TBX15: variants seen among roughly 807,000 people sequenced by gnomAD.
The protein encoded by TBX15 is T-box transcription factor TBX15.
TBX15 carries 18 observed loss-of-function variants against 53.9 expected under a neutral mutation model. The observed-to-expected ratio is 0.33, with a 90% CI of 0.23 to 0.49. The LOEUF (loss-of-function observed/expected upper bound fraction) is 0.49. TBX15 is among the 20% of genes least tolerant of loss of function. The pLI is 0.98. For synonymous variants in TBX15, 295 were observed against 278.0 expected (o/e 1.06, Z -0.61); for missense variants, 692 against 749.5 (o/e 0.92, Z 0.90).
Position 118,884,496 on chromosome 1 carries a change from A to G in TBX15, c.*236T>C. 1.8e-6 allele frequency: 1 copy of G among 569,918 alleles called. No individual in the cohort carries two copies. The highest frequency in any genetic ancestry group is 2.1e-5 in the South Asian group (1 of 47,916). 35.3% of individuals were successfully genotyped at this position (569,918 alleles called of 1,614,324 possible). A position where few individuals can be genotyped will look rare whatever the true frequency, so the allele number is the denominator to read the frequency against. On this transcript the variant is annotated 3_prime_UTR_variant, in exon 8 of 8. Transcript: ENST00000369429. ...GGAACAGACAATGCTTTATAAAACT[A>G]AGGTCTGGGAAGGCAGAAGAATGGC...
At chr1:118,913,694 T>G (rs568696959) in intron 6 of TBX15, among the ~76,000 whole-genome samples, 4 of 152,316 alleles carry the variant, frequency 2.6e-5, no homozygotes, top group African/African-American at 9.6e-5. Flanking sequence ...TTTTTCACAC[T>G]GTTTTAGCTC....
chr1:118,981,082 C>T (rs754990928), intron 1 of TBX15, among the ~76,000 whole-genome samples: 8 of 152,140 alleles, frequency 5.3e-5, no homozygotes, highest in Non-Finnish European at 1.2e-4. Flanking sequence ...CCCCGCCCCC[C>T]GCCTCGGCCT....
chr1:118,901,515 A>C (rs1654629343), intron 6 of TBX15: 4 of 433,170 alleles, frequency 9.2e-6, no homozygotes, highest in Non-Finnish European at 1.8e-5. Flanking sequence ...GACTGTGACA[A>C]AAGTGTTAAT....
rs1312053058 is a variant in TBX15 at position 118,884,276 on chromosome 1, C to A, written c.*456G>T. The A allele has an allele frequency of 1.1e-5, 2 of 179,814 alleles. No homozygotes were observed. Among genetic ancestry groups the A allele is most frequent in the Non-Finnish European group, 2.4e-5 (2 of 84,150 alleles). 11.1% of individuals were successfully genotyped at this position (179,814 alleles called of 1,614,324 possible). Reference sequence around the variant, plus strand: ...TGGGCCTCCCTCCACAGAGTTCACCCAGTTCAGAGTCAGTGTGCATGTATG... The same window carrying A: ...TGGGCCTCCCTCCACAGAGTTCACCAAGTTCAGAGTCAGTGTGCATGTATG... On this transcript the variant is annotated 3_prime_UTR_variant, in exon 8 of 8. Transcript: ENST00000369429.
chr1:118,883,514 C>CA lies in TBX15; in HGVS notation c.*1217dup, dbSNP rs1263852828. On this transcript the variant is annotated 3_prime_UTR_variant, in exon 8 of 8. Transcript: ENST00000369429. ...TATTTCCTGCCACAGGGATAGCGGG[C>CA]AGGCATTCTAGGTCAGGTGTCTGGA... 6.6e-6 allele frequency: 1 copy of CA among 152,250 alleles called. No individual in the cohort carries two copies. Among genetic ancestry groups the CA allele is most frequent in the African/African-American group, 2.4e-5 (1 of 41,460 alleles). The allele number at this position is 152,250 out of a possible 1,614,324, so 9.4% of individuals were successfully genotyped here.
At chr1:118,939,640 C>T (rs1656100680) in intron 1 of TBX15, among the ~76,000 whole-genome samples, 1 of 149,610 alleles carries the variant, frequency 6.7e-6, no homozygotes, top group Non-Finnish European at 1.5e-5. Context: ...ACCTCAGCAT[C>T]ACGCAATATT....
At chr1:118,969,584 G>A (rs1657165781) in intron 1 of TBX15, among the ~76,000 whole-genome samples, 1 of 152,104 alleles carries the variant, frequency 6.6e-6, no homozygotes, top group African/African-American at 2.4e-5. Flanking sequence ...TGAGTCCTGG[G>A]TCAGACTCCC....
intron 6 of TBX15, among the ~76,000 whole-genome samples, chr1:118,899,554 C>T (rs927665704): frequency 6.6e-6 from 1 of 152,090 alleles, no homozygotes; most frequent in African/African-American, 2.4e-5. Context: ...CAACTCCTCA[C>T]CTTGGGTATG....
Position 118,931,928 on chromosome 1 carries a change from G to C in TBX15, c.206-96C>G. On this transcript the variant is annotated intron_variant, in intron 1 of 7. Coordinates refer to ENST00000369429, the MANE Select transcript of TBX15 (RefSeq NM_001330677.2). ...GGGGTGGGAAATGCAATGAAGTGGG[G>C]AGAGGGGTAAACAAAAGGAGACTTA... 2.4e-6 allele frequency: 3 copies of C among 1,233,292 alleles called. No individual in the cohort carries two copies. In the South Asian group the frequency reaches 4.3e-5, roughly 18 times the overall value. The allele number at this position is 1,233,292 out of a possible 1,614,324, so 76.4% of individuals were successfully genotyped here.
intron 1 of TBX15, among the ~76,000 whole-genome samples, chr1:118,954,146 A>T (rs746301111): frequency 1.4e-4 from 21 of 152,210 alleles, no homozygotes; most frequent in Non-Finnish European, 2.5e-4. Context: ...TAATAGGAAG[A>T]CTAAATATCG....
intron 1 of TBX15, among the ~76,000 whole-genome samples, chr1:118,955,022 A>G (rs1266340754): frequency 6.6e-6 from 1 of 152,184 alleles, no homozygotes; most frequent in Admixed American, 6.5e-5. Context: ...TGAAGAATGT[A>G]AGCCACCTTT....
chr1:118,884,325 T>C lies in TBX15; in HGVS notation c.*407A>G, dbSNP rs1015272604. ...TGATTGCATGTGTATGAATTGTGTA[T>C]GAATATGTATGTGTGTGTGCACGTA... is the stretch of plus-strand genomic sequence containing the variant. On this transcript the variant is annotated 3_prime_UTR_variant, in exon 8 of 8. Transcript: ENST00000369429. 4.2e-6 allele frequency: 1 copy of C among 235,846 alleles called. No individual in the cohort carries two copies. Among genetic ancestry groups the C allele is most frequent in the Admixed American group, 5.2e-5 (1 of 19,382 alleles). The allele number at this position is 235,846 out of a possible 1,614,324, so 14.6% of individuals were successfully genotyped here. A position where few individuals can be genotyped will look rare whatever the true frequency, so the allele number is the denominator to read the frequency against.
At chr1:118,978,081 C>T (rs1461651662) in intron 1 of TBX15, among the ~76,000 whole-genome samples, 3 of 152,142 alleles carry the variant, frequency 2.0e-5, no homozygotes, top group Admixed American at 6.5e-5. Flanking sequence ...TCGCTAATGC[C>T]GTAGAACCCT....
chr1:118,989,050 C>T (rs1305953423), upstream of TBX15, among the ~76,000 whole-genome samples: 1 of 152,164 alleles, frequency 6.6e-6, no homozygotes, highest in Non-Finnish European at 1.5e-5. Flanking sequence ...TGGGCCCCCT[C>T]ACGCCGCAAA....
chr1:118,987,202 C>T (rs1345138490), intron 1 of TBX15, among the ~76,000 whole-genome samples: 2 of 152,208 alleles, frequency 1.3e-5, no homozygotes, highest in South Asian at 2.1e-4. Context: ...GAGAACGCCG[C>T]GCCAGTCCTC....
intron 7 of TBX15, among the ~76,000 whole-genome samples, 178 bp from the exon 8 acceptor site, chr1:118,885,694 T>C (rs1318801270): frequency 6.6e-6 from 1 of 151,560 alleles, no homozygotes; most frequent in Non-Finnish European, 1.5e-5. Context: ...TGTGGACATA[T>C]ACACAGTCAT....
chr1:118,900,904 C>A (rs1178186854), intron 6 of TBX15, among the ~76,000 whole-genome samples: 1 of 152,132 alleles, frequency 6.6e-6, no homozygotes, highest in Non-Finnish European at 1.5e-5. Context: ...AGGAGGCTCA[C>A]TGAAAATGGC....
chr1:118,966,463 C>T (rs1181099443), intron 1 of TBX15, among the ~76,000 whole-genome samples: 1 of 152,182 alleles, frequency 6.6e-6, no homozygotes, highest in Non-Finnish European at 1.5e-5. Context: ...TGGCCCTCAA[C>T]CCAATTCCTA....
intron 6 of TBX15, among the ~76,000 whole-genome samples, chr1:118,906,069 A>C (rs966252281): frequency 2.0e-5 from 3 of 152,198 alleles, no homozygotes; most frequent in African/African-American, 7.2e-5. Flanking sequence ...TGACGTCATC[A>C]ACTTGGAGAT....
Sources: allele counts gnomAD v4.1 joint callset (sites outside exome capture counted in the v4.1 genomes callset), GRCh38; gene constraint gnomAD v4.1.1; transcripts MANE v1.5; gene names NCBI Gene and HGNC (gene_info 2026-07-23, HGNC 2026-07-21).